Variants in CLIC5 observed in about 807,000 individuals in gnomAD.
CLIC5 encodes the protein chloride intracellular channel protein 5.
In CLIC5, 20 loss-of-function variants were observed where a neutral mutation model predicts 24.7. The observed-to-expected ratio is 0.81, with a 90% CI of 0.57 to 1.18. The LOEUF is 1.18. Ranked by LOEUF, CLIC5 falls within the 50% of genes most tolerant of loss-of-function variation. The pLI, the probability that CLIC5 is intolerant of heterozygous loss-of-function variation, is 0.00. For missense variants in CLIC5, 341 were observed against 326.1 expected (o/e 1.05, Z -0.35); for synonymous variants, 159 against 135.6 (o/e 1.17, Z -1.20).
At chr6:45,975,497 A>T (rs1765355262) in intron 1 of CLIC5, among the ~76,000 whole-genome samples, 1 of 152,156 alleles carries the variant, frequency 6.6e-6, no homozygotes, top group South Asian at 2.1e-4. Context: ...ACATGTATAG[A>T]TGGCATCCTC....
chr6:46,003,625 T>C (rs1259357643), intron 1 of CLIC5, among the ~76,000 whole-genome samples: 2 of 152,190 alleles, frequency 1.3e-5, no homozygotes, highest in African/African-American at 4.8e-5. Context: ...GGGCTTTAAA[T>C]TTCCACTGTT....
At chr6:45,993,784 G>T (rs182846794) in intron 1 of CLIC5, among the ~76,000 whole-genome samples, 72 of 152,278 alleles carry the variant, frequency 4.7e-4, no homozygotes, top group Non-Finnish European at 7.4e-4. Context: ...ACTGTGATTG[G>T]TTAGTGTACA....
chr6:45,941,790 A>G (rs1409287048), intron 3 of CLIC5, 137 bp from the exon 4 acceptor site: 3 of 717,184 alleles, frequency 4.2e-6, no homozygotes, highest in Admixed American at 2.2e-5. Context: ...TTATCCTCAT[A>G]CTATAGGGAG....
chr6:46,042,249 A>G (rs1188910057), intron 1 of CLIC5, among the ~76,000 whole-genome samples: 1 of 152,244 alleles, frequency 6.6e-6, no homozygotes, highest in African/African-American at 2.4e-5. Context: ...AACTATTTCA[A>G]TGAAAGCATT....
intron 6 of CLIC5, among the ~76,000 whole-genome samples, chr6:45,884,328 G>A (rs1163660711): frequency 6.6e-6 from 1 of 152,202 alleles, no homozygotes; most frequent in Admixed American, 6.5e-5. Context: ...ATGATTGGCA[G>A]GAATGTAGAC....
chr6:46,063,549 G>T (rs1762354382), intron 1 of CLIC5, among the ~76,000 whole-genome samples: 1 of 152,204 alleles, frequency 6.6e-6, no homozygotes, highest in African/African-American at 2.4e-5. Context: ...TCCTAACAGA[G>T]AGAGAGAGCT....
intron 3 of CLIC5, among the ~76,000 whole-genome samples, chr6:45,946,465 G>C (rs967709412): frequency 1.3e-5 from 2 of 152,200 alleles, no homozygotes; most frequent in African/African-American, 4.8e-5. Context: ...ATAAAGCTAA[G>C]GGAAAAAGCC....
intron 1 of CLIC5, among the ~76,000 whole-genome samples, chr6:46,042,477 G>C (rs1767834389): frequency 6.6e-6 from 1 of 152,148 alleles, no homozygotes; most frequent in African/African-American, 2.4e-5. Flanking sequence ...GGTGGGGCAG[G>C]CAGGCCTTGG....
intron 4 of CLIC5, among the ~76,000 whole-genome samples, chr6:45,931,881 A>G (rs996484852): frequency 2.0e-5 from 3 of 152,058 alleles, no homozygotes; most frequent in African/African-American, 4.8e-5. Flanking sequence ...GCTGATCTCA[A>G]ACTCCTGACC....
At chr6:46,015,873 G>A (rs960604969), upstream of CLIC5, 5 of 1,063,724 alleles carry the variant, frequency 4.7e-6, no homozygotes, top group African/African-American at 5.0e-5. Context: ...TCCCGCCGCC[G>A]CCAACGCGCC....
intron 1 of CLIC5, among the ~76,000 whole-genome samples, chr6:45,964,383 C>T (rs540614321): frequency 2.6e-5 from 4 of 152,180 alleles, no homozygotes; most frequent in Non-Finnish European, 4.4e-5. Flanking sequence ...GAGGTGGAGT[C>T]CACATTTCCC....
chr6:45,914,139 G>A (rs1249570214), intron 5 of CLIC5, 89 bp downstream of exon 5: 8 of 1,067,140 alleles, frequency 7.5e-6, no homozygotes, highest in African/African-American at 1.6e-5. Flanking sequence ...TGACCAACAG[G>A]TGGTACTGTC....
intron 1 of CLIC5, among the ~76,000 whole-genome samples, chr6:45,995,126 C>A (rs1346905690): frequency 6.6e-6 from 1 of 152,100 alleles, no homozygotes; most frequent in African/African-American, 2.4e-5. Context: ...GCCCCTTTGG[C>A]CACTCCTTAG....
the CLIC5 span, among the ~76,000 whole-genome samples, chr6:46,129,205 T>A: frequency 1.3e-5 from 2 of 152,236 alleles, no homozygotes; most frequent in Middle Eastern, 3.2e-3. Context: ...TAGCAAGTAC[T>A]TCTATACCAA....
intron 1 of CLIC5, among the ~76,000 whole-genome samples, chr6:46,009,455 C>A (rs1766721399): frequency 1.3e-5 from 2 of 152,068 alleles, no homozygotes; most frequent in Admixed American, 1.3e-4. Flanking sequence ...ATTTAAGACA[C>A]CCTGGGTAGA....
upstream of CLIC5, among the ~76,000 whole-genome samples, chr6:46,080,874 T>C (rs932380790): frequency 1.3e-5 from 2 of 152,242 alleles, no homozygotes; most frequent in African/African-American, 2.4e-5. Flanking sequence ...ATAAATGCTC[T>C]GGCCTATAGA....
At position 45,983,947 on chromosome 6, in the gene CLIC5, C is replaced by A. The variant is rs547509793; in HGVS notation, c.64-28703G>T. Among the ~76,000 whole-genome samples, 9 of 152,314 alleles carry A rather than the reference C, an allele frequency of 5.9e-5. No homozygotes were observed. The East Asian group carries it at 1.7e-3, about 29-fold the overall frequency. ...AGACTCCTTAAGTCAGGAACCATAT[C>A]TCTTTTGTTCACTGCTGTAGTCCCA... On this transcript the variant is annotated intron_variant, in intron 1 of 5. Transcript: ENST00000339561.
intron 1 of CLIC5, among the ~76,000 whole-genome samples, chr6:46,056,067 T>C (rs937306434): frequency 9.9e-5 from 15 of 152,168 alleles, no homozygotes; most frequent in Non-Finnish European, 1.9e-4. Context: ...CACTTAAAAA[T>C]GGTGCAGATG....
At chr6:46,073,388 CT>C (rs1055821472) in intron 1 of CLIC5, among the ~76,000 whole-genome samples, 3 of 152,158 alleles carry the variant, frequency 2.0e-5, no homozygotes, top group Non-Finnish European at 4.4e-5. Context: ...CACCAGCTAG[CT>C]TTTTCCACGA....
Sources: allele counts gnomAD v4.1 joint callset (sites outside exome capture counted in the v4.1 genomes callset), GRCh38; gene constraint gnomAD v4.1.1; transcripts MANE v1.5; gene names NCBI Gene and HGNC (gene_info 2026-07-23, HGNC 2026-07-21).